The following CADPS variants were observed in gnomAD, a reference collection of about 807,000 sequenced individuals.
CADPS encodes calcium dependent secretion activator.
Under a neutral mutation model 167.3 loss-of-function variants are expected in CADPS, and 57 were observed. The observed-to-expected ratio is 0.34, with a 90% CI of 0.28 to 0.42. CADPS has a LOEUF of 0.42. Ranked by LOEUF, CADPS falls within the 20% of genes least tolerant of loss-of-function variation. The probability of loss-of-function intolerance (pLI) is 1.00; values close to 1 mark genes in which losing one functional copy is unlikely to be tolerated. For synonymous variants in CADPS, 676 were observed against 635.3 expected, an observed-to-expected ratio of 1.06 and a Z score of -0.96; for missense variants, 1,414 against 1,738.1, an observed-to-expected ratio of 0.81 and a Z score of 3.32.
chr3:62,444,883 G>A (rs954922783), intron 27 of CADPS, among the ~76,000 whole-genome samples: 1 of 152,174 alleles, frequency 6.6e-6, no homozygotes, highest in Non-Finnish European at 1.5e-5. Flanking sequence ...CGTTCAGAAT[G>A]AGAAATGCTT....
chr3:62,702,573 C>G (rs138321210), intron 3 of CADPS, among the ~76,000 whole-genome samples: 2 of 152,168 alleles, frequency 1.3e-5, no homozygotes, highest in East Asian at 3.9e-4. Context: ...CTCGATAGTA[C>G]CGGGTCACTG....
intron 1 of CADPS, among the ~76,000 whole-genome samples, chr3:62,818,325 C>T (rs545354262): frequency 3.3e-5 from 5 of 152,200 alleles, no homozygotes; most frequent in South Asian, 2.1e-4. Flanking sequence ...TCAGGGACAG[C>T]GTTCCTACAA....
chr3:62,617,735 G>A (rs934103019), intron 6 of CADPS, among the ~76,000 whole-genome samples: 1 of 152,154 alleles, frequency 6.6e-6, no homozygotes, highest in African/African-American at 2.4e-5. Context: ...CTTTCACAGA[G>A]AAGTGCTGGT....
rs148052032 is a variant in CADPS, at chr3:62,692,868, C to T, written c.889-30474G>A. On this transcript the variant is annotated intron_variant, in intron 3 of 29. Transcript: ENST00000383710. ...CTTTGTTATGTAAAGAAGGTCATGT[C>T]ATGCCCATACTTCAAAACCATCCAG... Among the ~76,000 whole-genome samples, 33 of 152,068 alleles carry T rather than the reference C, an allele frequency of 2.2e-4. No individual in the cohort carries two copies. In the East Asian group the frequency reaches 6.2e-3, roughly 29 times the overall value.
intron 1 of CADPS, among the ~76,000 whole-genome samples, chr3:62,830,182 C>T (rs934558427): frequency 4.6e-5 from 7 of 152,158 alleles, no homozygotes; most frequent in Non-Finnish European, 1.0e-4. Flanking sequence ...GGAGGTCTGG[C>T]GCCTAGTGGA....
At chr3:62,401,208 T>C (rs1705977829) in intron 29 of CADPS, among the ~76,000 whole-genome samples, 1 of 152,240 alleles carries the variant, frequency 6.6e-6, no homozygotes, top group Non-Finnish European at 1.5e-5. Flanking sequence ...GCCAGATATC[T>C]ACACAATTAA....
intron 9 of CADPS, among the ~76,000 whole-genome samples, chr3:62,567,694 C>T (rs1343144898): frequency 1.3e-5 from 2 of 148,422 alleles, no homozygotes; most frequent in African/African-American, 2.5e-5. Context: ...CCTGCCTCCG[C>T]GTTCCCTGTA....
intron 1 of CADPS, among the ~76,000 whole-genome samples, chr3:62,786,090 G>A (rs2152699129): frequency 6.6e-6 from 1 of 152,216 alleles, no homozygotes; most frequent in East Asian, 1.9e-4. Flanking sequence ...GTGCATGCCT[G>A]TATTCCCAGC....
intron 9 of CADPS, among the ~76,000 whole-genome samples, chr3:62,562,565 C>G (rs898126512): frequency 6.6e-6 from 1 of 152,128 alleles, no homozygotes; most frequent in East Asian, 1.9e-4. Context: ...AGACTCCTAG[C>G]CTCAGGTGAT....
At chr3:62,857,457 G>A (rs1178800026) in intron 1 of CADPS, among the ~76,000 whole-genome samples, 6 of 152,018 alleles carry the variant, frequency 3.9e-5, no homozygotes, top group African/African-American at 1.4e-4. Context: ...AATGTATAGA[G>A]TAGTAAAAAA....
Position 62,442,215 on chromosome 3 carries a change from C to T in CADPS, c.3669+3550G>A, listed in dbSNP as rs1439447630. Among the ~76,000 whole-genome samples the T allele has an allele frequency of 1.3e-4, 18 of 141,296 alleles. 2 individuals carry two copies. The highest frequency in any genetic ancestry group is 1.2e-3 in the Admixed American group (17 of 14,062). 92.7% of individuals were successfully genotyped at this position (141,296 alleles called of 152,430 possible). A position where few individuals can be genotyped will look rare whatever the true frequency, so the allele number is the denominator to read the frequency against. ...TTAGTGGTATGCTGGTAAACTGACT[C>T]TTTTTTTTTTTTTGAGATGGAGTTT... On this transcript the variant is annotated intron_variant, in intron 27 of 29. Transcript: ENST00000383710.
Position 62,465,420 on chromosome 3 carries a change from T to G in CADPS, c.3583A>C (p.Lys1195Gln). The change falls in exon 26 of 30, where the codon AAA becomes CAA. Residue 1195 changes from lysine (K) to glutamine (Q), a missense_variant. Physicochemically the swap from Lys to Gln is moderately conservative, Grantham distance 53. Coordinates refer to ENST00000383710, the MANE Select transcript of CADPS (RefSeq NM_003716.4). The surrounding 1 kb of genome is among the most constrained non-coding windows in gnomAD (Gnocchi z 4.1). ...GTCCCTTCGTCATATCTGGATAATT[T>G]TGCCAGCACTCCTTCCAAGATAGTA... Reference protein sequence around the residue: ...FVTILEGVLAKLSRYDEGTLF... With the variant: ...FVTILEGVLAQLSRYDEGTLF... 1 of 1,610,288 alleles carries G rather than the reference T, an allele frequency of 6.2e-7. No individual in the cohort carries two copies. Among genetic ancestry groups the G allele is most frequent in the Non-Finnish European group, 8.5e-7 (1 of 1,178,472 alleles).
intron 3 of CADPS, among the ~76,000 whole-genome samples, chr3:62,679,877 G>A (rs2076879378): frequency 6.6e-6 from 1 of 151,998 alleles, no homozygotes; most frequent in African/African-American, 2.4e-5. Flanking sequence ...CAGCAATGCT[G>A]AAGGTAAAAA....
chr3:62,588,907 T>C (rs1014156174), intron 7 of CADPS, among the ~76,000 whole-genome samples: 4 of 152,196 alleles, frequency 2.6e-5, no homozygotes, highest in African/African-American at 9.7e-5. Flanking sequence ...TATATACATA[T>C]GTGCTTATAT....
intron 27 of CADPS, chr3:62,440,524 T>A (rs2056112537): frequency 7.9e-6 from 1 of 126,144 alleles, no homozygotes. Context: ...ATTATACCAT[T>A]CCACAGCCTT....
intron 10 of CADPS, among the ~76,000 whole-genome samples, chr3:62,551,233 C>T (rs1385225892): frequency 6.6e-6 from 1 of 152,198 alleles, no homozygotes; most frequent in Non-Finnish European, 1.5e-5. Flanking sequence ...TCCCTGACCT[C>T]CTCAGCAAAG....
intron 6 of CADPS, among the ~76,000 whole-genome samples, chr3:62,595,359 G>A (rs1428091925): frequency 1.3e-5 from 2 of 152,136 alleles, no homozygotes; most frequent in Non-Finnish European, 2.9e-5. Context: ...CCCCGAGATA[G>A]GGAAATCTTT....
chr3:62,859,102 G>A (rs2080261224), intron 1 of CADPS, among the ~76,000 whole-genome samples: 1 of 152,084 alleles, frequency 6.6e-6, no homozygotes, highest in Admixed American at 6.6e-5. Flanking sequence ...AGTTCTTGCT[G>A]CGATTAGGGA....
intron 14 of CADPS, 61 bp from the exon 15 acceptor site, chr3:62,516,704 G>C (rs1335693096): frequency 4.2e-6 from 5 of 1,185,848 alleles, no homozygotes; most frequent in Non-Finnish European, 6.2e-6. Context: ...GAAATATGCT[G>C]CAATTTGATT....
Sources: gnomAD v4.1 joint callset for allele counts (sites outside exome capture counted in the v4.1 genomes callset) on GRCh38, gnomAD v4.1.1 for gene constraint, Gnocchi (gnomAD v3.1) non-coding constraint, MANE v1.5 for transcripts, NCBI Gene and HGNC (gene_info 2026-07-23, HGNC 2026-07-21) for gene names.